The following ZGRF1 variants were observed in gnomAD, a reference collection of about 807,000 sequenced individuals.
ZGRF1 encodes the protein 5'-3' DNA helicase ZGRF1.
A neutral mutation model predicts 203.5 loss-of-function variants in ZGRF1; 196 were observed. That is an observed-to-expected ratio of 0.96 (90% confidence interval 0.86 to 1.08). ZGRF1 has a LOEUF of 1.08. Ranked by LOEUF, ZGRF1 falls within the 50% of genes least tolerant of loss-of-function variation. ZGRF1 has a pLI of 0.00. For synonymous variants in ZGRF1, 809 were observed against 841.3 expected (o/e 0.96, Z 0.66); for missense variants, 2,326 against 2,416.3 (o/e 0.96, Z 0.78).
In ZGRF1 at chr4:112,560,822, A is replaced by C. The variant is rs763886440; in HGVS notation, c.4871T>G (p.Ile1624Ser). The change falls in exon 19 of 28, where the codon ATT becomes AGT. Residue 1624 changes from isoleucine to serine, a missense_variant. Ile to Ser is a moderately radical substitution (Grantham distance 142). Transcript: ENST00000505019. Reference protein sequence around the residue: ...KLNKDQATALIQIAQMMASHE... With the variant: ...KLNKDQATALSQIAQMMASHE... ...TGATGCCATCATTTGAGCTATTTGAATTAGAGCTGTAGCTTGATCCTTGTT... is the reference window on the plus strand; with the variant it reads ...TGATGCCATCATTTGAGCTATTTGACTTAGAGCTGTAGCTTGATCCTTGTT... 6.2e-6 allele frequency: 10 copies of C among 1,613,308 alleles called. No individual in the cohort carries two copies. The African/African-American group carries it at 1.3e-4, about 22-fold the overall frequency.
intron 4 of ZGRF1, among the ~76,000 whole-genome samples, chr4:112,623,002 G>A (rs2047113233): frequency 6.6e-6 from 1 of 151,920 alleles, no homozygotes; most frequent in South Asian, 2.1e-4. Context: ...AGGCTTCAAT[G>A]TCTGTTGTTC....
chr4:112,552,495 A>G (rs1018231777), intron 22 of ZGRF1, among the ~76,000 whole-genome samples: 1 of 146,712 alleles, frequency 6.8e-6, no homozygotes, highest in Non-Finnish European at 1.5e-5. Context: ...AATGATTCTT[A>G]TATATCATTG....
chr4:112,550,245 G>A (rs1224418191), intron 22 of ZGRF1, among the ~76,000 whole-genome samples: 2 of 151,534 alleles, frequency 1.3e-5, no homozygotes, highest in African/African-American at 4.8e-5. Flanking sequence ...AGAGGTGGAA[G>A]ACAGTGCTAT....
chr4:112,599,035 A>G (rs892308891), intron 10 of ZGRF1, among the ~76,000 whole-genome samples: 1 of 152,144 alleles, frequency 6.6e-6, no homozygotes. Flanking sequence ...TGGGCAACAG[A>G]GTGAGGCTCC....
chr4:112,608,747 A>G (rs921208328), intron 8 of ZGRF1, among the ~76,000 whole-genome samples: 8 of 152,254 alleles, frequency 5.3e-5, no homozygotes, highest in African/African-American at 1.9e-4. Context: ...ATCTTGTTAC[A>G]TAAGAATGAA....
chr4:112,623,761 T>A, intron 4 of ZGRF1, 56 bp downstream of exon 4: 1 of 821,394 alleles, frequency 1.2e-6, no homozygotes, highest in Admixed American at 2.3e-5. Context: ...ATAAAGGAGG[T>A]ATTTAAAGAG....
intron 27 of ZGRF1, 29 bp downstream of exon 27, chr4:112,539,834 T>C (rs1270716634): frequency 6.2e-7 from 1 of 1,609,200 alleles, no homozygotes; most frequent in Non-Finnish European, 8.5e-7. Context: ...GAACTTGAAA[T>C]GCATGAATTA....
chr4:112,579,139 T>C, intron 16 of ZGRF1, among the ~76,000 whole-genome samples: 1 of 122,638 alleles, frequency 8.2e-6, no homozygotes, highest in Non-Finnish European at 1.8e-5. Flanking sequence ...ATAAACATAA[T>C]CCAGCATATA....
chr4:112,587,710 T>G lies in ZGRF1; in HGVS notation c.3347A>C (p.Glu1116Ala). The G allele has an allele frequency of 6.3e-7, 1 of 1,595,174 alleles. No homozygotes were observed. Among genetic ancestry groups the G allele is most frequent in the Admixed American group, 1.8e-5 (1 of 55,476 alleles). ...AGAGAAAAAGGTTTCATTTTGGTCC[T>G]CAGGCTCAATGCTAAACGAAAGAAC... is the stretch of plus-strand genomic sequence containing the variant. ...SAVLSFSIEP[E>A]DQNETFFSEE... The change falls in exon 12 of 28, where the codon GAG (glutamate) becomes GCG (alanine). Residue 1116 changes from glutamate to alanine, a missense_variant. Transcript: ENST00000505019.
chr4:112,565,197 T>G, intron 16 of ZGRF1: 2 of 1,567,502 alleles, frequency 1.3e-6, no homozygotes, highest in South Asian at 2.2e-5. Context: ...CCTTCCAGCG[T>G]CTGGTGCGAG....
intron 16 of ZGRF1, among the ~76,000 whole-genome samples, chr4:112,579,146 T>C (rs1193080899): frequency 8.1e-6 from 1 of 122,856 alleles, no homozygotes; most frequent in Non-Finnish European, 1.8e-5. Context: ...TAATCCAGCA[T>C]ATAAACAGAA....
intron 24 of ZGRF1, among the ~76,000 whole-genome samples, chr4:112,542,091 C>A (rs1737740583): frequency 6.6e-6 from 1 of 151,988 alleles, no homozygotes; most frequent in Non-Finnish European, 1.5e-5. Context: ...CCTGTAATTC[C>A]AACACTTTGG....
At position 112,553,996 on chromosome 4, in the gene ZGRF1, T is replaced by C; in HGVS notation, c.5199-14A>G. 4.4e-6 allele frequency: 7 copies of C among 1,591,842 alleles called. No individual in the cohort carries two copies. Among genetic ancestry groups the C allele is most frequent in the Non-Finnish European group, 6.0e-6 (7 of 1,172,778 alleles). On this transcript the variant is annotated splice_polypyrimidine_tract_variant and intron_variant, in intron 21 of 27. Transcript: ENST00000505019. ...CCAGCATGCAAGCTAAAGAATTATA[T>C]TAAAACACTCCTCTTTATTCCATTT...
Position 112,552,141 on chromosome 4 carries a change from G to T in ZGRF1, c.5346+1694C>A, listed in dbSNP as rs192680861. Among the ~76,000 whole-genome samples the T allele has an allele frequency of 3.4e-3, 510 of 152,064 alleles. 1 individual carries two copies. Among genetic ancestry groups the T allele is most frequent in the Non-Finnish European group, 6.0e-3 (409 of 67,990 alleles). On this transcript the variant is annotated intron_variant, in intron 22 of 27. Transcript: ENST00000505019. ...AAAAATACAAAAATTAGCCGGGTGC[G>T]GTGGAATGTGCCTGTAGTCCCAGCT...
Position 112,561,187 on chromosome 4 carries a change from C to T in ZGRF1, c.4698-192G>A, listed in dbSNP as rs550836516. The T allele has an allele frequency of 1.4e-4, 81 of 559,582 alleles. No individual in the cohort carries two copies. The Middle Eastern group carries it at 3.3e-3, about 23-fold the overall frequency. 34.7% of individuals were successfully genotyped at this position (559,582 alleles called of 1,614,324 possible). ...ATCGAGGAGGGTAGAAGAGAACTGA[C>T]GTTTGTTGAATACTTACTACATGCT... On this transcript the variant is annotated intron_variant, in intron 18 of 27. Coordinates refer to ENST00000505019, the MANE Select transcript of ZGRF1 (RefSeq NM_018392.5).
At chr4:112,630,996 T>C (rs1301810142) in intron 3 of ZGRF1, among the ~76,000 whole-genome samples, 1 of 152,114 alleles carries the variant, frequency 6.6e-6, no homozygotes, top group Admixed American at 6.5e-5. Flanking sequence ...GCTTTGACCC[T>C]TGGGCAAGCT....
intron 22 of ZGRF1, among the ~76,000 whole-genome samples, chr4:112,550,080 T>C (rs1315491733): frequency 1.3e-5 from 2 of 151,926 alleles, no homozygotes; most frequent in Non-Finnish European, 2.9e-5. Context: ...TAGTCCCAGC[T>C]ACTTGGGAGG....
intron 6 of ZGRF1, 79 bp from the exon 7 acceptor site, chr4:112,612,667 A>C: frequency 1.2e-6 from 1 of 836,066 alleles, no homozygotes; most frequent in Admixed American, 2.4e-5. Flanking sequence ...CTAAAACCAA[A>C]ACAAGGAATA....
chr4:112,561,204 C>T (rs1014499633), intron 18 of ZGRF1: 9 of 527,148 alleles, frequency 1.7e-5, no homozygotes, highest in Non-Finnish European at 6.8e-6. Context: ...TGAATACTTA[C>T]TACATGCTGA....
Sources: allele counts gnomAD v4.1 joint callset (sites outside exome capture counted in the v4.1 genomes callset), GRCh38; gene constraint gnomAD v4.1.1; transcripts MANE v1.5; gene names NCBI Gene and HGNC (gene_info 2026-07-23, HGNC 2026-07-21).